Variants in IREB2 observed in about 807,000 individuals in gnomAD.
IREB2 encodes the protein iron responsive element binding protein 2.
Under a neutral mutation model 118.8 loss-of-function variants are expected in IREB2, and 39 were observed. That is an observed-to-expected ratio of 0.33 (90% CI 0.25 to 0.43). The LOEUF is 0.43. Ranked by LOEUF, IREB2 falls within the 20% of genes least tolerant of loss-of-function variation. The pLI, the probability that IREB2 is intolerant of heterozygous loss-of-function variation, is 1.00. For synonymous variants in IREB2, 372 were observed against 392.2 expected, an observed-to-expected ratio of 0.95 and a Z score of 0.61; for missense variants, 900 against 1,147.3, an observed-to-expected ratio of 0.78 and a Z score of 3.11.
chr15:78,468,250 T>C (rs984409430), intron 5 of IREB2, among the ~76,000 whole-genome samples: 1 of 152,162 alleles, frequency 6.6e-6, no homozygotes, highest in Non-Finnish European at 1.5e-5. Flanking sequence ...TAGTAAACTG[T>C]CTTTTTTTTT....
rs879212660 is a variant in IREB2, at chr15:78,470,439, G to GTA, written c.630-85_630-84dup. On this transcript the variant is annotated intron_variant, in intron 5 of 21. Transcript: ENST00000258886. ...CCAAGGATTTTAAGAATATATTTGT[G>GTA]TATATATATGCCTAAGAACGATGAC... The GTA allele has an allele frequency of 3.2e-4, 208 of 643,194 alleles. 1 individual carries two copies. Among genetic ancestry groups the GTA allele is most frequent in the South Asian group, 1.5e-3 (53 of 36,412 alleles). 39.8% of individuals were successfully genotyped at this position (643,194 alleles called of 1,614,324 possible).
intron 2 of IREB2, among the ~76,000 whole-genome samples, chr15:78,457,266 T>C (rs116040555): frequency 0.018 from 2,703 of 152,278 alleles, 101 homozygotes; most frequent in African/African-American, 0.061. Context: ...CTATCTGGAC[T>C]TCATCTTCTG....
chr15:78,490,858 T>TG, intron 18 of IREB2, 97 bp downstream of exon 18: 1 of 1,175,726 alleles, frequency 8.5e-7, no homozygotes, highest in Non-Finnish European at 1.2e-6. Flanking sequence ...AGTAAATACA[T>TG]GCTATCGTAG....
intron 9 of IREB2, 91 bp from the exon 10 acceptor site, chr15:78,478,206 C>T: frequency 1.2e-6 from 1 of 835,730 alleles, no homozygotes; most frequent in Non-Finnish European, 2.0e-6. Context: ...TGCGCTCCAG[C>T]CTGGGCAACA....
intron 10 of IREB2, among the ~76,000 whole-genome samples, chr15:78,478,807 T>G (rs1203808750): frequency 6.6e-6 from 1 of 152,124 alleles, no homozygotes; most frequent in Non-Finnish European, 1.5e-5. Flanking sequence ...GGCAATTTAT[T>G]TAGCCTTTCT....
At chr15:78,488,082 C>T in intron 14 of IREB2, 98 bp from the exon 15 acceptor site, 8 of 1,173,356 alleles carry the variant, frequency 6.8e-6, no homozygotes, top group Non-Finnish European at 9.5e-6. Context: ...TTTGGTTAAT[C>T]TCGCCCTCAG....
chr15:78,438,519 C>T (rs2141436824), intron 1 of IREB2, 163 bp downstream of exon 1: 2 of 757,658 alleles, frequency 2.6e-6, no homozygotes, highest in Middle Eastern at 7.8e-4. Context: ...GCCCTTTGAG[C>T]CTAGGCCGCG....
chr15:78,478,238 AAAT>A (rs2051506176), intron 9 of IREB2, 56 bp from the exon 10 acceptor site: 3 of 1,188,024 alleles, frequency 2.5e-6, no homozygotes, highest in East Asian at 2.4e-5. Context: ...TGTCTGAAAA[AAAT>A]AATAACTAAA....
intron 13 of IREB2, among the ~76,000 whole-genome samples, chr15:78,486,885 G>C (rs117900587): frequency 1.2e-4 from 19 of 152,034 alleles, no homozygotes; most frequent in African/African-American, 3.4e-4. Context: ...GGCCAGGCTC[G>C]TCTCAAACTT....
intron 16 of IREB2, 52 bp from the exon 17 acceptor site, chr15:78,490,370 T>C: frequency 8.3e-7 from 1 of 1,203,250 alleles, no homozygotes; most frequent in Non-Finnish European, 1.2e-6. Context: ...CGCCTCTTTT[T>C]CTGAGTCCTT....
chr15:78,478,397 G>A lies in IREB2; in HGVS notation c.1296G>A (p.Gln432=). ...QNSSGEPEYS[Q]VIQINLNSIV... is the part of the protein sequence containing the mutation. ...CTTCAGGAGAACCTGAATACTCCCA[G>A]GTATATGCAGAATAACCCACCTCGT... Residue 432 remains glutamine (Q), a splice_region_variant and synonymous_variant, in exon 10 of 22, where the codon CAG becomes CAA. Coordinates refer to ENST00000258886, the MANE Select transcript of IREB2 (RefSeq NM_004136.4). 6.4e-7 allele frequency: 1 copy of A among 1,551,778 alleles called. No individual in the cohort carries two copies. Among genetic ancestry groups the A allele is most frequent in the Non-Finnish European group, 8.9e-7 (1 of 1,123,492 alleles).
rs756563596 is a variant in IREB2, at chr15:78,498,170, T to TAA, written c.*28_*29dup. 9 of 1,262,956 alleles carry TAA rather than the reference T, an allele frequency of 7.1e-6. No homozygotes were observed. The Admixed American group carries it at 1.2e-4, about 17-fold the overall frequency. 78.2% of individuals were successfully genotyped at this position (1,262,956 alleles called of 1,614,324 possible). A position where few individuals can be genotyped will look rare whatever the true frequency, so the allele number is the denominator to read the frequency against. On this transcript the variant is annotated 3_prime_UTR_variant, in exon 22 of 22. Transcript: ENST00000258886. The stretch of plus-strand genomic sequence containing the variant: ...ATCTACTTACCATAGATACCTTTCA[T>TAA]AACTGGTAACTGCAAAGCCTTTTGT...
chr15:78,459,424 G>C (rs960234810), intron 2 of IREB2, among the ~76,000 whole-genome samples: 4 of 151,956 alleles, frequency 2.6e-5, no homozygotes, highest in Non-Finnish European at 5.9e-5. Flanking sequence ...GTCTCCGCTC[G>C]GTGTAGAATC....
chr15:78,452,076 A>G (rs1049218765), intron 2 of IREB2, among the ~76,000 whole-genome samples: 1 of 152,314 alleles, frequency 6.6e-6, no homozygotes, highest in African/African-American at 2.4e-5. Context: ...ATCACAGTAT[A>G]GGGTTGGGGG....
intron 2 of IREB2, among the ~76,000 whole-genome samples, chr15:78,450,074 A>G (rs111789077): frequency 4.6e-5 from 7 of 152,340 alleles, no homozygotes; most frequent in African/African-American, 1.7e-4. Context: ...ATGAGTCTCT[A>G]AACAATATGA....
chr15:78,438,261 T>G lies in IREB2; in HGVS notation c.-77T>G. ...TCCCTTGCCAGTCCGCCTGTCTTCC[T>G]CCCCGTCTTCCCTGCCCGGCCTCCC... is the stretch of plus-strand genomic sequence containing the variant. On this transcript the variant is annotated 5_prime_UTR_variant, in exon 1 of 22. Transcript: ENST00000258886. The G allele has an allele frequency of 3.5e-6, 4 of 1,150,496 alleles. No homozygotes were observed. The highest frequency in any genetic ancestry group is 5.1e-6 in the Non-Finnish European group (4 of 779,804). 71.3% of individuals were successfully genotyped at this position (1,150,496 alleles called of 1,614,324 possible). A position where few individuals can be genotyped will look rare whatever the true frequency, so the allele number is the denominator to read the frequency against.
chr15:78,470,432 T>A (rs1190142121), intron 5 of IREB2, 100 bp from the exon 6 acceptor site: 15 of 617,162 alleles, frequency 2.4e-5, no homozygotes, highest in Non-Finnish European at 4.2e-5. Context: ...TTTAAGAATA[T>A]ATTTGTGTAT....
chr15:78,439,316 C>G (rs919037933), intron 1 of IREB2, among the ~76,000 whole-genome samples: 1 of 151,624 alleles, frequency 6.6e-6, no homozygotes, highest in East Asian at 1.9e-4. Context: ...TGTAAAAATC[C>G]GTCTTTTAGT....
chr15:78,457,110 A>G (rs770829909), intron 2 of IREB2, among the ~76,000 whole-genome samples: 12 of 152,152 alleles, frequency 7.9e-5, no homozygotes, highest in Non-Finnish European at 1.6e-4. Flanking sequence ...TTTTCCTGGG[A>G]TTAATGGATT....
Sources: gnomAD v4.1 joint callset for allele counts (sites outside exome capture counted in the v4.1 genomes callset) on GRCh38, gnomAD v4.1.1 for gene constraint, MANE v1.5 for transcripts, NCBI Gene and HGNC (gene_info 2026-07-23, HGNC 2026-07-21) for gene names.